CUX1: variants seen among roughly 807,000 people sequenced by gnomAD.
The protein encoded by CUX1 is cut like homeobox 1, also known as protein CASP.
A neutral mutation model predicts 158.8 loss-of-function variants in CUX1; 31 were observed. The observed-to-expected ratio is 0.20, with a 90% CI of 0.15 to 0.26. The LOEUF (loss-of-function observed/expected upper bound fraction) is 0.26, where lower values mean the gene tolerates loss of function less well. CUX1 is among the 10% of genes least tolerant of loss of function. The pLI is 1.00. For synonymous variants in CUX1, 879 were observed against 862.1 expected, an observed-to-expected ratio of 1.02 and a Z score of -0.34; for missense variants, 1,589 against 2,014.6, an observed-to-expected ratio of 0.79 and a Z score of 4.04.
In CUX1 at chr7:102,254,795, A is replaced by T; in HGVS notation, c.*5753A>T. The stretch of plus-strand genomic sequence containing the variant: ...GGCCAGTGTGATGTGGTTGGATCTC[A>T]GCGTGTACTGAATGCCAGTCTGGCC... On this transcript the variant is annotated 3_prime_UTR_variant, in exon 24 of 24. Coordinates refer to ENST00000292535, the MANE Select transcript of CUX1 (RefSeq NM_181552.4). 1.0e-6 allele frequency: 1 copy of T among 985,450 alleles called. No homozygotes were observed. The highest frequency in any genetic ancestry group is 4.7e-5 in the South Asian group (1 of 21,286). 61.0% of individuals were successfully genotyped at this position (985,450 alleles called of 1,614,324 possible). A position where few individuals can be genotyped will look rare whatever the true frequency, so the allele number is the denominator to read the frequency against.
rs370894452 is a variant in CUX1, at chr7:102,124,632, A to G, written c.674+9359A>G. Among the ~76,000 whole-genome samples the G allele has an allele frequency of 1.1e-4, 17 of 152,334 alleles. No homozygotes were observed. In the East Asian group the frequency reaches 3.1e-3, roughly 28 times the overall value. On this transcript the variant is annotated intron_variant, in intron 8 of 23. Coordinates refer to ENST00000292535, the MANE Select transcript of CUX1 (RefSeq NM_181552.4). ...CACTCATGTAAAACGTTGATCACAT[A>G]AAAGTTAAGAAGAATGGTGGTTACC...
chr7:101,997,270 C>T (rs1215044259), intron 2 of CUX1, among the ~76,000 whole-genome samples: 2 of 152,242 alleles, frequency 1.3e-5, no homozygotes, highest in African/African-American at 4.8e-5. Flanking sequence ...TGAGTGCGTG[C>T]ACGGAGCCTG....
At chr7:101,868,322 T>C (rs1798134285) in intron 1 of CUX1, among the ~76,000 whole-genome samples, 1 of 152,172 alleles carries the variant, frequency 6.6e-6, no homozygotes, top group East Asian at 1.9e-4. Flanking sequence ...GTAGTGGAGC[T>C]GGCTTTTGTC....
At chr7:102,097,641 T>C (rs1829339629) in intron 5 of CUX1, 140 bp downstream of exon 5, 3 of 888,000 alleles carry the variant, frequency 3.4e-6, no homozygotes, top group Non-Finnish European at 5.0e-6. Context: ...GGCAGGAATC[T>C]GAGTCGTTAA....
Position 102,254,116 on chromosome 7 carries a change from CT to C in CUX1, c.*5075del. On this transcript the variant is annotated 3_prime_UTR_variant, in exon 24 of 24. Transcript: ENST00000292535. ...CGCAACACGGACAAACAGCTGTGCT[CT>C]GCAAGGCACACGGATGTTTCCCTTC... 1 of 985,454 alleles carries C rather than the reference CT, an allele frequency of 1.0e-6. No homozygotes were observed. 61.0% of individuals were successfully genotyped at this position (985,454 alleles called of 1,614,324 possible).
At chr7:101,953,018 G>A (rs1291885189) in intron 2 of CUX1, among the ~76,000 whole-genome samples, 1 of 152,186 alleles carries the variant, frequency 6.6e-6, no homozygotes, top group Non-Finnish European at 1.5e-5. Context: ...CCCCTTCGGA[G>A]CATCTCAGAG....
intron 2 of CUX1, among the ~76,000 whole-genome samples, chr7:101,930,520 A>T (rs764649538): frequency 1.3e-5 from 2 of 152,110 alleles, no homozygotes; most frequent in African/African-American, 4.8e-5. Flanking sequence ...TGTGGGTGGG[A>T]CTAGTCACTG....
chr7:101,900,294 C>G (rs1446786882), intron 1 of CUX1, among the ~76,000 whole-genome samples: 2 of 152,306 alleles, frequency 1.3e-5, no homozygotes, highest in East Asian at 3.9e-4. Context: ...TGCCCAGAAC[C>G]CAGGTTTCCT....
chr7:102,190,453 C>G (rs1794153082), intron 12 of CUX1, among the ~76,000 whole-genome samples: 2 of 152,118 alleles, frequency 1.3e-5, no homozygotes, highest in Admixed American at 6.5e-5. Flanking sequence ...TCTGGAGCTC[C>G]CAGGTCCTGG....
At chr7:102,025,059 G>A (rs1158754228) in intron 2 of CUX1, among the ~76,000 whole-genome samples, 3 of 152,082 alleles carry the variant, frequency 2.0e-5, no homozygotes, top group Admixed American at 6.6e-5. Flanking sequence ...CGCGCTGCCG[G>A]CATTCCTATA....
chr7:102,033,924 T>G (rs1165057992), intron 3 of CUX1, among the ~76,000 whole-genome samples: 1 of 152,046 alleles, frequency 6.6e-6, no homozygotes, highest in African/African-American at 2.4e-5. Flanking sequence ...GGCAGGCAGA[T>G]CACTCGAGGT....
chr7:102,277,652 G>T (rs1369847733), intron 17 of CUX1, among the ~76,000 whole-genome samples: 2 of 151,948 alleles, frequency 1.3e-5, no homozygotes, highest in Non-Finnish European at 2.9e-5. Flanking sequence ...TATAGACAGG[G>T]TCTTGCTCTG....
intron 1 of CUX1, among the ~76,000 whole-genome samples, chr7:101,833,973 GCCGGCCCCTCTGAT>G (rs944398711): frequency 2.4e-4 from 36 of 152,144 alleles, no homozygotes; most frequent in African/African-American, 8.0e-4. Context: ...GGGGTGCTGG[GCCGGCCCCTCTGAT>G]CCTGTCCTAC....
At chr7:101,885,706 G>A (rs1267661481) in intron 1 of CUX1, among the ~76,000 whole-genome samples, 1 of 152,190 alleles carries the variant, frequency 6.6e-6, no homozygotes, top group African/African-American at 2.4e-5. Context: ...CATGGCCTCG[G>A]ACGACTTCCT....
rs782194580 is a variant in CUX1, at chr7:102,201,698, G to C, written c.2401G>C (p.Asp801His). The C allele has an allele frequency of 5.0e-6, 8 of 1,612,516 alleles. No individual in the cohort carries two copies. Among genetic ancestry groups the C allele is most frequent in the Non-Finnish European group, 6.8e-6 (8 of 1,179,884 alleles). ...APGLDPQGAA[D>H]CAQGVLRQVK... ...CGGGCTGGACCCCCAGGGAGCAGCC[G>C]ATTGTGCACAAGGGGTCCTGAGACA... is the stretch of plus-strand genomic sequence containing the variant. The change falls in exon 18 of 24, where the codon GAT becomes CAT. Residue 801 changes from aspartate to histidine, a missense_variant. Transcript: ENST00000292535. The surrounding 1 kb of genome is among the most constrained non-coding windows in gnomAD (Gnocchi z 5.0).
At chr7:102,062,172 C>A (rs1006847801) in intron 3 of CUX1, among the ~76,000 whole-genome samples, 3 of 152,224 alleles carry the variant, frequency 2.0e-5, no homozygotes, top group Admixed American at 1.3e-4. Flanking sequence ...CAAAGCATTT[C>A]GTGTGGCTAT....
intron 20 of CUX1, among the ~76,000 whole-genome samples, chr7:102,223,750 T>C (rs1798064915): frequency 6.6e-6 from 1 of 152,038 alleles, no homozygotes; most frequent in African/African-American, 2.4e-5. Context: ...GGGCGGGTCA[T>C]CTAAGGTCAG....
intron 1 of CUX1, among the ~76,000 whole-genome samples, chr7:101,843,262 G>A (rs1379943666): frequency 6.6e-6 from 1 of 151,878 alleles, no homozygotes; most frequent in Non-Finnish European, 1.5e-5. Flanking sequence ...TGCTTTCATT[G>A]CATTTGTTGC....
chr7:102,050,233 A>G (rs1301070377), intron 3 of CUX1, among the ~76,000 whole-genome samples: 2 of 152,188 alleles, frequency 1.3e-5, no homozygotes, highest in Non-Finnish European at 2.9e-5. Flanking sequence ...TGTCCCATCC[A>G]TATAACAGGA....
Sources: gnomAD v4.1 joint callset for allele counts (sites outside exome capture counted in the v4.1 genomes callset) on GRCh38, gnomAD v4.1.1 for gene constraint, Gnocchi (gnomAD v3.1) non-coding constraint, MANE v1.5 for transcripts, NCBI Gene and HGNC (gene_info 2026-07-23, HGNC 2026-07-21) for gene names.